The following UBE2G1 variants were observed in gnomAD, a reference collection of about 807,000 sequenced individuals.
The protein encoded by UBE2G1 is ubiquitin conjugating enzyme E2 G1.
UBE2G1 carries 5 observed loss-of-function variants against 22.7 expected under a neutral mutation model. The observed-to-expected ratio is 0.22, with a 90% confidence interval of 0.12 to 0.46. The LOEUF is 0.46. UBE2G1 is among the 20% of genes least tolerant of loss of function. UBE2G1 has a pLI of 0.99. For synonymous variants in UBE2G1, 74 were observed against 67.5 expected (o/e 1.10, Z -0.47); for missense variants, 88 against 203.9 (o/e 0.43, Z 3.46).
At chr17:4,333,986 A>AGAGGT (rs10648352) in intron 1 of UBE2G1, among the ~76,000 whole-genome samples, 68,216 of 151,666 alleles carry the variant, frequency 0.45, 18,428 homozygotes, top group African/African-American at 0.77. Context: ...AAGAAAACAA[A>AGAGGT]GACTGGCATT....
At chr17:4,303,948 T>A (rs7216130) in intron 2 of UBE2G1, among the ~76,000 whole-genome samples, 47,660 of 152,060 alleles carry the variant, frequency 0.31, 7,565 homozygotes, top group Middle Eastern at 0.38. Context: ...GAGATAAAAG[T>A]TATACAGTCA....
chr17:4,282,963 T>C, intron 4 of UBE2G1, 42 bp from the exon 5 acceptor site: 1 of 1,454,806 alleles, frequency 6.9e-7, no homozygotes, highest in African/African-American at 1.4e-5. Flanking sequence ...TCATGCAAAC[T>C]CCCCTTTATA....
intron 5 of UBE2G1, among the ~76,000 whole-genome samples, chr17:4,273,910 T>G (rs1401124045): frequency 6.6e-6 from 1 of 152,112 alleles, no homozygotes; most frequent in Non-Finnish European, 1.5e-5. Context: ...CAAATATACC[T>G]AAAGAGTTAT....
chr17:4,306,949 C>T (rs1213635949), intron 2 of UBE2G1, 72 bp downstream of exon 2: 1 of 1,439,466 alleles, frequency 6.9e-7, no homozygotes, highest in Non-Finnish European at 9.7e-7. Context: ...CGTGCCCAGC[C>T]TGCCAAAATA....
chr17:4,276,251 T>C (rs1361767894), intron 5 of UBE2G1, among the ~76,000 whole-genome samples: 1 of 152,020 alleles, frequency 6.6e-6, no homozygotes, highest in Non-Finnish European at 1.5e-5. Context: ...AGTGCAGTGG[T>C]GCAATCTCCG....
intron 1 of UBE2G1, among the ~76,000 whole-genome samples, chr17:4,357,092 C>CT: frequency 6.6e-6 from 1 of 152,124 alleles, no homozygotes; most frequent in South Asian, 2.1e-4. Flanking sequence ...TTTTCAATTA[C>CT]TTGTGGTCAA....
intron 1 of UBE2G1, among the ~76,000 whole-genome samples, chr17:4,348,126 C>T (rs1047450731): frequency 6.6e-6 from 1 of 152,216 alleles, no homozygotes; most frequent in Non-Finnish European, 1.5e-5. Flanking sequence ...GGCGCAATGG[C>T]GTGCACCTGT....
chr17:4,354,013 C>T (rs926878970), intron 1 of UBE2G1, among the ~76,000 whole-genome samples: 2 of 152,022 alleles, frequency 1.3e-5, no homozygotes, highest in East Asian at 1.9e-4. Context: ...CTTCCACAAA[C>T]GTCAACCTTT....
chr17:4,285,240 T>C (rs969215892), intron 4 of UBE2G1, among the ~76,000 whole-genome samples: 1 of 151,966 alleles, frequency 6.6e-6, no homozygotes, highest in African/African-American at 2.4e-5. Context: ...CACAACTCTG[T>C]GAAATTTCCA....
intron 2 of UBE2G1, among the ~76,000 whole-genome samples, chr17:4,298,579 A>AT (rs1969137640): frequency 6.6e-6 from 1 of 152,318 alleles, no homozygotes; most frequent in African/African-American, 2.4e-5. Flanking sequence ...AACACCAAAC[A>AT]TTTCTGAATA....
intron 1 of UBE2G1, among the ~76,000 whole-genome samples, chr17:4,326,275 T>C (rs1000837815): frequency 6.6e-6 from 1 of 152,026 alleles, no homozygotes; most frequent in Non-Finnish European, 1.5e-5. Flanking sequence ...AATGGGCAAA[T>C]GACTTGAATA....
intron 1 of UBE2G1, among the ~76,000 whole-genome samples, chr17:4,338,547 A>T (rs568890188): frequency 7.2e-5 from 11 of 152,234 alleles, no homozygotes; most frequent in South Asian, 6.2e-4. Flanking sequence ...TAATTCTTTT[A>T]TTAAACTATC....
At chr17:4,284,291 G>T (rs1338339723) in intron 4 of UBE2G1, among the ~76,000 whole-genome samples, 1 of 151,240 alleles carries the variant, frequency 6.6e-6, no homozygotes, top group Non-Finnish European at 1.5e-5. Context: ...TAAATATACT[G>T]AAGAATACTA....
At chr17:4,316,302 C>G (rs1191838684) in intron 1 of UBE2G1, among the ~76,000 whole-genome samples, 5 of 149,938 alleles carry the variant, frequency 3.3e-5, no homozygotes, top group Admixed American at 1.4e-4. Flanking sequence ...ATTTTTACTG[C>G]AGCTTCACTT....
In UBE2G1 at chr17:4,348,270, T is replaced by C. The variant is rs555541052; in HGVS notation, c.46+18001A>G. Among the ~76,000 whole-genome samples the C allele has an allele frequency of 1.1e-4, 16 of 150,612 alleles. No individual in the cohort carries two copies. In the South Asian group the frequency reaches 1.9e-3, roughly 18 times the overall value. On this transcript the variant is annotated intron_variant, in intron 1 of 5. Coordinates refer to ENST00000396981, the MANE Select transcript of UBE2G1 (RefSeq NM_003342.5). ...AAGACCCTGTCTGTAAAGAAAAAAA[T>C]AGGCCGGGCGCGGTGGCTCACGCCT...
At chr17:4,361,572 C>T (rs1969967048) in intron 1 of UBE2G1, among the ~76,000 whole-genome samples, 1 of 152,042 alleles carries the variant, frequency 6.6e-6, no homozygotes, top group South Asian at 2.1e-4. Flanking sequence ...GTACTCAGCA[C>T]AGTGCCTGGT....
intron 4 of UBE2G1, among the ~76,000 whole-genome samples, chr17:4,287,883 A>C (rs1968985891): frequency 6.6e-6 from 1 of 152,276 alleles, no homozygotes; most frequent in South Asian, 2.1e-4. Context: ...AAAGAAAAAA[A>C]AAACTGCAGG....
intron 1 of UBE2G1, among the ~76,000 whole-genome samples, chr17:4,317,979 G>C (rs1296231466): frequency 6.6e-6 from 1 of 152,138 alleles, no homozygotes; most frequent in Non-Finnish European, 1.5e-5. Flanking sequence ...GATTCCTGAG[G>C]ATTTCTGAAT....
chr17:4,366,123 C>G, intron 1 of UBE2G1, 148 bp downstream of exon 1: 1 of 791,884 alleles, frequency 1.3e-6, no homozygotes, highest in South Asian at 2.5e-5. Flanking sequence ...CGGCTGGGCC[C>G]GGCCGGGACC....
Sources: gnomAD v4.1 joint callset for allele counts (sites outside exome capture counted in the v4.1 genomes callset) on GRCh38, gnomAD v4.1.1 for gene constraint, MANE v1.5 for transcripts, NCBI Gene and HGNC (gene_info 2026-07-23, HGNC 2026-07-21) for gene names.